KCNIP4: variants seen among roughly 807,000 people sequenced by gnomAD.
The protein encoded by KCNIP4 is Kv channel-interacting protein 4.
KCNIP4 carries 12 observed loss-of-function variants against 34.0 expected under a neutral mutation model. The ratio of observed to expected loss-of-function variants is 0.35; its 90% confidence interval spans 0.23 to 0.57. The LOEUF is 0.57. KCNIP4 is among the 20% of genes least tolerant of loss of function. The pLI is 0.83. For synonymous variants in KCNIP4, 124 were observed against 102.2 expected (o/e 1.21, Z -1.29); for missense variants, 238 against 311.7 (o/e 0.76, Z 1.78).
intron 1 of KCNIP4, among the ~76,000 whole-genome samples, chr4:20,930,442 T>G (rs1384318603): frequency 1.3e-5 from 2 of 152,036 alleles, no homozygotes; most frequent in Admixed American, 6.6e-5. Flanking sequence ...TTCCTTGATA[T>G]TGGCCTTGGA....
chr4:21,031,097 G>C (rs1033305504), intron 1 of KCNIP4, among the ~76,000 whole-genome samples: 2 of 152,068 alleles, frequency 1.3e-5, no homozygotes, highest in Admixed American at 1.3e-4. Context: ...TCTCCAAGAG[G>C]GTCCTCAAAA....
At chr4:21,911,570 T>C (rs1435073563) in intron 1 of KCNIP4, among the ~76,000 whole-genome samples, 1 of 141,830 alleles carries the variant, frequency 7.1e-6, no homozygotes, top group Non-Finnish European at 1.5e-5. Flanking sequence ...TCTGAAAATA[T>C]TCCTAAGTTC....
chr4:21,133,111 C>T (rs1486691245), intron 1 of KCNIP4, among the ~76,000 whole-genome samples: 1 of 152,058 alleles, frequency 6.6e-6, no homozygotes, highest in African/African-American at 2.4e-5. Flanking sequence ...ATGATTATTA[C>T]ACATGCTAAG....
intron 3 of KCNIP4, among the ~76,000 whole-genome samples, chr4:20,781,630 C>T (rs1292680597): frequency 6.6e-6 from 1 of 152,096 alleles, no homozygotes; most frequent in African/African-American, 2.4e-5. Context: ...TTATTCGCTA[C>T]CACAAGAACA....
chr4:21,400,466 TCC>T (rs71945644), intron 1 of KCNIP4, among the ~76,000 whole-genome samples: 1,756 of 26,832 alleles, frequency 0.065, 68 homozygotes, highest in African/African-American at 0.17. Flanking sequence ...TTCTTTCTGT[TCC>T]TCTCCTCTCC....
chr4:21,221,501 A>G (rs1385315314), intron 1 of KCNIP4, among the ~76,000 whole-genome samples: 1 of 152,156 alleles, frequency 6.6e-6, no homozygotes. Flanking sequence ...CCTAGCAAAG[A>G]GGGGAGAGCC....
rs901483328 is a variant in KCNIP4, at chr4:21,108,032, C to G, written c.62-225323G>C. Reference sequence around the variant, plus strand: ...ACCCTTTCTCTCTGGCTGCCCTTAACATTTTTTCCTTCATTTCAACTTCAG... The same window carrying G: ...ACCCTTTCTCTCTGGCTGCCCTTAAGATTTTTTCCTTCATTTCAACTTCAG... On this transcript the variant is annotated intron_variant, in intron 1 of 8. Transcript: ENST00000382152. Among the ~76,000 whole-genome samples, 28 of 151,250 alleles carry G rather than the reference C, an allele frequency of 1.9e-4. 1 individual carries two copies. Among genetic ancestry groups the G allele is most frequent in the African/African-American group, 5.7e-4 (23 of 40,660 alleles).
chr4:20,825,643 G>C (rs1221825398), intron 3 of KCNIP4, among the ~76,000 whole-genome samples: 2 of 152,220 alleles, frequency 1.3e-5, no homozygotes, highest in Non-Finnish European at 2.9e-5. Flanking sequence ...ATGACCAGCA[G>C]ATAATGGGAC....
chr4:21,897,760 C>A (rs955065032), intron 1 of KCNIP4, among the ~76,000 whole-genome samples: 3 of 151,986 alleles, frequency 2.0e-5, no homozygotes, highest in African/African-American at 7.3e-5. Context: ...CCAAATTGAG[C>A]AACTATTCAT....
Position 21,145,732 on chromosome 4 carries a change from T to TG in KCNIP4, c.62-263024dup, listed in dbSNP as rs566697140. Among the ~76,000 whole-genome samples, 116 of 152,332 alleles carry TG rather than the reference T, an allele frequency of 7.6e-4. 1 individual carries two copies. The highest frequency in any genetic ancestry group is 2.5e-3 in the African/African-American group (104 of 41,578). The stretch of plus-strand genomic sequence containing the variant: ...CTTGATTCAAGTAAAGCAATGTGCC[T>TG]GATGAGAATCACTGAAGCACAGAAA... On this transcript the variant is annotated intron_variant, in intron 1 of 8. Coordinates refer to ENST00000382152, the MANE Select transcript of KCNIP4 (RefSeq NM_025221.6).
rs1328575916 is a variant in KCNIP4, at chr4:21,159,462, C to G, written c.62-276753G>C. 1.9e-4 allele frequency among the ~76,000 whole-genome samples: 4 copies of G among 21,164 alleles called. 2 individuals are homozygous for G. Among genetic ancestry groups the G allele is most frequent in the Non-Finnish European group, 3.9e-4 (4 of 10,244 alleles). The allele number at this position is 21,164 out of a possible 152,430, so 13.9% of individuals were successfully genotyped here. A position where few individuals can be genotyped will look rare whatever the true frequency, so the allele number is the denominator to read the frequency against. On this transcript the variant is annotated intron_variant, in intron 1 of 8. Transcript: ENST00000382152. ...CTCCCAGCGTGAGCGACGCAGAAGA[C>G]GGTGATTTCTGCATTTCCATCTGAG...
intron 1 of KCNIP4, 58 bp from the exon 2 acceptor site, chr4:20,882,767 T>C: frequency 1.5e-6 from 2 of 1,377,272 alleles, no homozygotes; most frequent in Non-Finnish European, 1.0e-6. Flanking sequence ...AGGGACGTGC[T>C]GCAGGGTTTA....
At chr4:20,883,461 G>A (rs1440995085) in intron 1 of KCNIP4, among the ~76,000 whole-genome samples, 1 of 152,042 alleles carries the variant, frequency 6.6e-6, no homozygotes, top group Non-Finnish European at 1.5e-5. Context: ...TGGCTGGACG[G>A]GTGAGCTTGC....
At chr4:21,528,683 GAA>G (rs1381533465) in intron 1 of KCNIP4, among the ~76,000 whole-genome samples, 1 of 2,468 alleles carries the variant, frequency 4.1e-4, no homozygotes, top group Non-Finnish European at 6.9e-4. Context: ...AACAAAGAAA[GAA>G]AGAAAGAAAG....
intron 3 of KCNIP4, among the ~76,000 whole-genome samples, chr4:20,833,523 AC>A (rs1718678993): frequency 6.8e-6 from 1 of 147,980 alleles, no homozygotes; most frequent in Non-Finnish European, 1.5e-5. Flanking sequence ...AAAAATCTTT[AC>A]GGGTCATATG....
chr4:20,916,258 TTC>T (rs755442774), intron 1 of KCNIP4: 103 of 919,432 alleles, frequency 1.1e-4, no homozygotes, highest in Non-Finnish European at 1.3e-4. Flanking sequence ...AAGAGCTCTC[TTC>T]TCTGACCTCC....
At chr4:20,911,944 A>G (rs542770543) in intron 1 of KCNIP4, among the ~76,000 whole-genome samples, 2 of 152,320 alleles carry the variant, frequency 1.3e-5, no homozygotes, top group African/African-American at 4.8e-5. Flanking sequence ...TGAAGCAATA[A>G]TCTGATCACT....
chr4:21,199,835 T>C (rs2108949844), intron 1 of KCNIP4, among the ~76,000 whole-genome samples: 1 of 151,994 alleles, frequency 6.6e-6, no homozygotes, highest in South Asian at 2.1e-4. Context: ...ATGTGGCATA[T>C]ATACACCATG....
intron 1 of KCNIP4, among the ~76,000 whole-genome samples, chr4:21,387,947 C>T (rs902533644): frequency 5.3e-5 from 8 of 152,200 alleles, no homozygotes; most frequent in South Asian, 2.1e-4. Context: ...GCATAATGGA[C>T]GTCAGGGACA....
Sources: allele counts gnomAD v4.1 joint callset (sites outside exome capture counted in the v4.1 genomes callset), GRCh38; gene constraint gnomAD v4.1.1; transcripts MANE v1.5; gene names NCBI Gene and HGNC (gene_info 2026-07-23, HGNC 2026-07-21).